KCNJ1: variants seen among roughly 807,000 people sequenced by gnomAD.
KCNJ1 encodes ATP-sensitive inward rectifier potassium channel 1.
Under a neutral mutation model 21.9 loss-of-function variants are expected in KCNJ1, and 24 were observed. That is an observed-to-expected ratio of 1.10 (90% CI 0.79 to 1.54). KCNJ1 has a LOEUF of 1.54. Among genes scored for constraint, KCNJ1 ranks in the 40% most tolerant of loss-of-function variants. KCNJ1 has a pLI of 0.00. For missense variants in KCNJ1, 457 were observed against 455.4 expected (o/e 1.00, Z -0.03); for synonymous variants, 152 against 160.9 (o/e 0.94, Z 0.42).
intron 1 of KCNJ1, among the ~76,000 whole-genome samples, chr11:128,854,281 C>G (rs1224367210): frequency 2.6e-5 from 4 of 152,210 alleles, no homozygotes; most frequent in South Asian, 2.1e-4. Flanking sequence ...CTTCTTTCAG[C>G]ACATCTTTTG....
chr11:128,853,138 C>T (rs1487162351), intron 1 of KCNJ1, among the ~76,000 whole-genome samples: 1 of 152,250 alleles, frequency 6.6e-6, no homozygotes, highest in South Asian at 2.1e-4. Flanking sequence ...CTTTTCCATA[C>T]TATATTGATG....
At position 128,850,792 on chromosome 11, in the gene KCNJ1, G is replaced by A; in HGVS notation, c.-93C>T. On this transcript the variant is annotated 5_prime_UTR_variant, in exon 2 of 3. Coordinates refer to ENST00000392666, the MANE Select transcript of KCNJ1 (RefSeq NM_153766.3). Reference sequence around the variant, plus strand: ...AAGTAGATCTTGGGGTGACCAGCAAGAGCTGCTTGGTTTGGGATTCCACCT... The same window carrying A: ...AAGTAGATCTTGGGGTGACCAGCAAAAGCTGCTTGGTTTGGGATTCCACCT... 1 of 985,422 alleles carries A rather than the reference G, an allele frequency of 1.0e-6. No homozygotes were observed. The highest frequency in any genetic ancestry group is 1.2e-6 in the Non-Finnish European group (1 of 829,888). The allele number at this position is 985,422 out of a possible 1,614,324, so 61.0% of individuals were successfully genotyped here.
rs1473531549 is a variant in KCNJ1, at chr11:128,840,071, C to T, written c.173G>A (p.Trp58Ter). The T allele has an allele frequency of 1.9e-6, 3 of 1,614,018 alleles. No homozygotes were observed. The highest frequency in any genetic ancestry group is 1.3e-5 in the African/African-American group (1 of 74,902). The change falls in exon 3 of 3, where the codon TGG (tryptophan) becomes TAG (stop). Residue 58 changes from tryptophan (W) to a stop codon, truncating the protein, a stop_gained. Coordinates refer to ENST00000392666, the MANE Select transcript of KCNJ1 (RefSeq NM_153766.3). LOFTEE classifies it high-confidence loss of function. ...GATGAAAATGGTCATTTTGTATCTC[C>T]ACTTGAGGTCAAGTACCGTTGTCCA... is the stretch of plus-strand genomic sequence containing the variant. Reference protein sequence around the residue: ...DIWTTVLDLKWRYKMTIFITA... With the variant: ...DIWTTVLDLK
At chr11:128,842,238 T>G (rs1943294760) in intron 2 of KCNJ1, 1 of 1,010,918 alleles carries the variant, frequency 9.9e-7, no homozygotes, top group African/African-American at 1.6e-5. Context: ...CATTTTACTT[T>G]TAAAGGTAAA....
Position 128,840,214 on chromosome 11 carries a change from G to A in KCNJ1, c.30C>T (p.Val10=). 6.2e-7 allele frequency: 1 copy of A among 1,614,122 alleles called. No individual in the cohort carries two copies. Among genetic ancestry groups the A allele is most frequent in the Non-Finnish European group, 8.5e-7 (1 of 1,180,022 alleles). MFKHLRKWV[V]TRFFGHSRQR... is the part of the protein sequence containing the mutation. ...GCCGAGAATGCCCAAAAAAGCGAGT[G>A]ACGACCCATTTCCGAAGATGTTTGA... The change falls in exon 3 of 3, where the codon GTC becomes GTT. Residue 10 remains valine, a synonymous_variant. Coordinates refer to ENST00000392666, the MANE Select transcript of KCNJ1 (RefSeq NM_153766.3).
In KCNJ1 at chr11:128,838,869, T is replaced by C. The variant is rs1387175264; in HGVS notation, c.*256A>G. ...CACCTTATATGAGCTCAAATAATCA[T>C]ATTTAAGATTTCAAGAGAGCACCTA... On this transcript the variant is annotated 3_prime_UTR_variant, in exon 3 of 3. Transcript: ENST00000392666. 9.7e-6 allele frequency: 5 copies of C among 516,486 alleles called. No individual in the cohort carries two copies. The highest frequency in any genetic ancestry group is 3.5e-6 in the Non-Finnish European group (1 of 289,816). The allele number at this position is 516,486 out of a possible 1,614,324, so 32.0% of individuals were successfully genotyped here.
chr11:128,852,634 A>C (rs896214764), intron 1 of KCNJ1, among the ~76,000 whole-genome samples: 1 of 152,236 alleles, frequency 6.6e-6, no homozygotes, highest in African/African-American at 2.4e-5. Context: ...GCTGCCCTTC[A>C]GCAAATGCTG....
intron 1 of KCNJ1, chr11:128,866,744 T>C (rs562140423): frequency 5.2e-5 from 8 of 153,150 alleles, no homozygotes; most frequent in African/African-American, 1.9e-4. Context: ...ATGTTTTCCA[T>C]AATAGACCCC....
At chr11:128,842,684 A>G (rs1943306028) in intron 2 of KCNJ1, 1 of 605,574 alleles carries the variant, frequency 1.7e-6, no homozygotes, top group Non-Finnish European at 2.7e-6. Context: ...ATGACAAGCC[A>G]TCAGCTAAGG....
At chr11:128,846,714 C>G (rs74591063) in intron 2 of KCNJ1, among the ~76,000 whole-genome samples, 1,816 of 152,230 alleles carry the variant, frequency 0.012, 11 homozygotes, top group Middle Eastern at 0.048. Context: ...GCGACGGTAC[C>G]GAGGCTTGAT....
intron 2 of KCNJ1, 24 bp downstream of exon 2, chr11:128,850,697 C>T (rs1943465753): frequency 1.0e-6 from 1 of 976,750 alleles, no homozygotes; most frequent in Non-Finnish European, 1.2e-6. Context: ...CCAATAGTTG[C>T]TTATTGAAAA....
At chr11:128,842,271 A>G in intron 2 of KCNJ1, 1 of 1,175,782 alleles carries the variant, frequency 8.5e-7, no homozygotes, top group African/African-American at 1.5e-5. Context: ...AGAGTGAAGA[A>G]GTACCCCCTG....
chr11:128,859,556 A>G (rs563206829), intron 1 of KCNJ1, among the ~76,000 whole-genome samples: 4 of 152,334 alleles, frequency 2.6e-5, no homozygotes, highest in South Asian at 4.1e-4. Context: ...GACAGAACCC[A>G]GATCTTAACC....
chr11:128,853,053 C>T (rs1327904107), intron 1 of KCNJ1, among the ~76,000 whole-genome samples: 3 of 152,216 alleles, frequency 2.0e-5, no homozygotes, highest in African/African-American at 7.2e-5. Context: ...ACTTATTTGC[C>T]ATTCTATCAA....
Position 128,857,260 on chromosome 11 carries a change from G to A in KCNJ1, c.-191-6370C>T, listed in dbSNP as rs532260270. ...GAGAGCCTTTTAGCATCCAATCTAA[G>A]GTAGCACCCACTGCTCCAGTGGGAA... On this transcript the variant is annotated intron_variant, in intron 1 of 2. Coordinates refer to ENST00000392666, the MANE Select transcript of KCNJ1 (RefSeq NM_153766.3). Among the ~76,000 whole-genome samples, 8 of 152,264 alleles carry A rather than the reference G, an allele frequency of 5.3e-5. No homozygotes were observed. The South Asian group carries it at 1.7e-3, about 32-fold the overall frequency.
chr11:128,840,004 C>T lies in KCNJ1; in HGVS notation c.240G>A (p.Trp80Ter). 1 of 1,613,990 alleles carries T rather than the reference C, an allele frequency of 6.2e-7. No individual in the cohort carries two copies. Among genetic ancestry groups the T allele is most frequent in the Non-Finnish European group, 8.5e-7 (1 of 1,179,966 alleles). ...CTTTGTGAATGTACGCTACTGCATA[C>T]CACAGGAGACCAAAGAAAAACCAAC... ...LGSWFFFGLL[W>*]YAVAYIHKDL... is the part of the protein sequence containing the mutation. The change falls in exon 3 of 3, where the codon TGG becomes TGA. Residue 80 changes from tryptophan to a stop codon, truncating the protein, a stop_gained. Transcript: ENST00000392666. LOFTEE classifies it high-confidence loss of function.
At chr11:128,848,389 A>C (rs572849449) in intron 2 of KCNJ1, among the ~76,000 whole-genome samples, 89 of 151,144 alleles carry the variant, frequency 5.9e-4, no homozygotes, top group South Asian at 1.5e-3. Context: ...ATGGAGTCTT[A>C]CTATGTTTCC....
intron 2 of KCNJ1, among the ~76,000 whole-genome samples, chr11:128,844,554 G>A (rs947315311): frequency 6.6e-6 from 1 of 152,138 alleles, no homozygotes; most frequent in African/African-American, 2.4e-5. Flanking sequence ...AAAAATATGT[G>A]CTTCATTTTT....
intron 2 of KCNJ1, among the ~76,000 whole-genome samples, chr11:128,844,616 A>G (rs1183641857): frequency 6.6e-6 from 1 of 152,204 alleles, no homozygotes; most frequent in African/African-American, 2.4e-5. Context: ...AGGGACCAAC[A>G]GTTTGTGGTC....
Sources: allele counts gnomAD v4.1 joint callset (sites outside exome capture counted in the v4.1 genomes callset), GRCh38; gene constraint gnomAD v4.1.1; transcripts MANE v1.5; gene names NCBI Gene and HGNC (gene_info 2026-07-23, HGNC 2026-07-21).